Variants in ENTHD1 observed in about 807,000 individuals in gnomAD.
ENTHD1 encodes ENTH domain containing 1, also known as ENTH domain-containing protein 1.
A neutral mutation model predicts 39.1 loss-of-function variants in ENTHD1; 23 were observed. The observed-to-expected ratio is 0.59, with a 90% CI of 0.42 to 0.83. The LOEUF is 0.83. Ranked by LOEUF, ENTHD1 falls within the 40% of genes least tolerant of loss-of-function variation. The pLI is 0.00. For missense variants in ENTHD1, 624 were observed against 705.4 expected, an observed-to-expected ratio of 0.88 and a Z score of 1.31; for synonymous variants, 230 against 258.2, an observed-to-expected ratio of 0.89 and a Z score of 1.05.
intron 1 of ENTHD1, among the ~76,000 whole-genome samples, chr22:39,891,475 CTTT>C (rs58033623): frequency 2.1e-5 from 3 of 142,650 alleles, no homozygotes; most frequent in Non-Finnish European, 3.1e-5. Context: ...ATTATAATCA[CTTT>C]TTTTTTTTTT....
intron 2 of ENTHD1, among the ~76,000 whole-genome samples, chr22:39,884,201 CAG>C (rs2066362879): frequency 6.6e-6 from 1 of 151,560 alleles, no homozygotes; most frequent in Non-Finnish European, 1.5e-5. Context: ...TTTTCTGAGA[CAG>C]AGTCTCACTC....
At chr22:39,844,345 A>G (rs1466120848) in intron 3 of ENTHD1, among the ~76,000 whole-genome samples, 1 of 152,190 alleles carries the variant, frequency 6.6e-6, no homozygotes, top group Non-Finnish European at 1.5e-5. Flanking sequence ...GTATTTTGCT[A>G]ACAATAGCAT....
chr22:39,876,095 G>A (rs142620736), intron 2 of ENTHD1: 10 of 1,607,336 alleles, frequency 6.2e-6, no homozygotes, highest in Admixed American at 5.0e-5. Flanking sequence ...CACCAGTGAC[G>A]ATATGGTGAT....
At chr22:39,766,808 C>T (rs1376811624) in intron 5 of ENTHD1, among the ~76,000 whole-genome samples, 2 of 152,156 alleles carry the variant, frequency 1.3e-5, no homozygotes, top group African/African-American at 4.8e-5. Context: ...AGCAAAAATA[C>T]TGCTGGTATG....
intron 5 of ENTHD1, among the ~76,000 whole-genome samples, chr22:39,768,729 A>G (rs946116033): frequency 6.6e-6 from 1 of 152,148 alleles, no homozygotes; most frequent in Non-Finnish European, 1.5e-5. Flanking sequence ...ATCTTAATTT[A>G]TAAATTATTT....
rs188890886 is a variant in ENTHD1 at position 39,867,048 on chromosome 22, G to C, written c.350-5041C>G. ...CTCCGGAGTAGCTGGGACTACAGGC[G>C]CCCGCCACCAGGCCCGGCTAATTTT... On this transcript the variant is annotated intron_variant, in intron 2 of 6. Transcript: ENST00000325157. The surrounding 1 kb of genome is among the most constrained non-coding windows in gnomAD (Gnocchi z 4.5). Among the ~76,000 whole-genome samples, 563 of 152,128 alleles carry C rather than the reference G, an allele frequency of 3.7e-3. 3 individuals carry two copies. The highest frequency in any genetic ancestry group is 0.01 in the Admixed American group (160 of 15,282).
intron 2 of ENTHD1, among the ~76,000 whole-genome samples, chr22:39,863,027 G>A (rs181223476): frequency 2.0e-5 from 3 of 152,252 alleles, no homozygotes; most frequent in South Asian, 2.1e-4. Flanking sequence ...GCATCAAGGC[G>A]CCATCTTGGA....
At chr22:39,817,719 T>C (rs2065744441) in intron 5 of ENTHD1, among the ~76,000 whole-genome samples, 1 of 152,092 alleles carries the variant, frequency 6.6e-6, no homozygotes, top group Admixed American at 6.5e-5. Flanking sequence ...ATAATTATGA[T>C]ACAAAATTAT....
At chr22:39,855,202 C>T (rs746747367) in intron 3 of ENTHD1, among the ~76,000 whole-genome samples, 7 of 152,186 alleles carry the variant, frequency 4.6e-5, no homozygotes, top group Non-Finnish European at 8.8e-5. Context: ...TAAGGAAGCT[C>T]AGTTCTGTGA....
At chr22:39,843,783 T>A (rs191130383) in intron 3 of ENTHD1, among the ~76,000 whole-genome samples, 1 of 152,218 alleles carries the variant, frequency 6.6e-6, no homozygotes, top group African/African-American at 2.4e-5. Flanking sequence ...TGATGTAGGA[T>A]TCCTTAGCTA....
At chr22:39,866,965 C>A (rs1229279009) in intron 2 of ENTHD1, among the ~76,000 whole-genome samples, 1 of 152,028 alleles carries the variant, frequency 6.6e-6, no homozygotes, top group African/African-American at 2.4e-5. Context: ...TGCAGTGGCA[C>A]GATCTCGGCC....
intron 3 of ENTHD1, among the ~76,000 whole-genome samples, chr22:39,840,637 G>A (rs1011490660): frequency 6.6e-6 from 1 of 152,204 alleles, no homozygotes; most frequent in Non-Finnish European, 1.5e-5. Context: ...AGTGGGCTAA[G>A]GAAGAGCTAG....
At chr22:39,744,971 C>T (rs955132147) in intron 6 of ENTHD1, among the ~76,000 whole-genome samples, 2 of 152,054 alleles carry the variant, frequency 1.3e-5, no homozygotes, top group East Asian at 1.9e-4. Context: ...ATTAAATCTC[C>T]CACACTTTAT....
chr22:39,798,329 T>C (rs1008947796), intron 5 of ENTHD1, among the ~76,000 whole-genome samples: 1 of 152,170 alleles, frequency 6.6e-6, no homozygotes, highest in African/African-American at 2.4e-5. Context: ...AAATTTCTCA[T>C]TTATATCCTG....
At chr22:39,870,007 A>ATTTT (rs2066228396) in intron 2 of ENTHD1, among the ~76,000 whole-genome samples, 1 of 150,718 alleles carries the variant, frequency 6.6e-6, no homozygotes, top group Non-Finnish European at 1.5e-5. Flanking sequence ...TTATTTATTT[A>ATTTT]TTTATTTATT....
intron 3 of ENTHD1, among the ~76,000 whole-genome samples, chr22:39,844,840 A>G (rs972979735): frequency 2.6e-5 from 4 of 152,222 alleles, no homozygotes; most frequent in African/African-American, 9.6e-5. Flanking sequence ...TGGGTGTAAC[A>G]GAGTAAATAA....
chr22:39,746,077 A>G (rs557419834), intron 6 of ENTHD1, among the ~76,000 whole-genome samples: 24 of 152,238 alleles, frequency 1.6e-4, no homozygotes, highest in African/African-American at 5.5e-4. Context: ...AATTATTCTA[A>G]ATGATTTAAT....
At chr22:39,786,208 A>G (rs1001486621) in intron 5 of ENTHD1, among the ~76,000 whole-genome samples, 2 of 152,158 alleles carry the variant, frequency 1.3e-5, no homozygotes, top group African/African-American at 4.8e-5. Flanking sequence ...CCCCTAGCTC[A>G]CAGAGATGCT....
rs149184856 is a variant in ENTHD1, at chr22:39,794,991, T to A, written c.832+26002A>T. Among the ~76,000 whole-genome samples, 436 of 152,306 alleles carry A rather than the reference T, an allele frequency of 2.9e-3. 7 individuals are homozygous for A. Among genetic ancestry groups the A allele is most frequent in the African/African-American group, 1.0e-2 (415 of 41,560 alleles). ...TATCATGAAGCGTCATTGGATTTTATCAAACGCTTTTTTGACATCTATTAA... is the reference window on the plus strand; with the variant it reads ...TATCATGAAGCGTCATTGGATTTTAACAAACGCTTTTTTGACATCTATTAA... On this transcript the variant is annotated intron_variant, in intron 5 of 6. Coordinates refer to ENST00000325157, the MANE Select transcript of ENTHD1 (RefSeq NM_152512.4).
Sources: gnomAD v4.1 joint callset for allele counts (sites outside exome capture counted in the v4.1 genomes callset) on GRCh38, gnomAD v4.1.1 for gene constraint, Gnocchi (gnomAD v3.1) non-coding constraint, MANE v1.5 for transcripts, NCBI Gene and HGNC (gene_info 2026-07-23, HGNC 2026-07-21) for gene names.